The following ST6GALNAC3 variants were observed in gnomAD, a reference collection of about 807,000 sequenced individuals.
ST6GALNAC3 encodes the protein alpha-N-acetylgalactosaminide alpha-2,6-sialyltransferase 3.
Under a neutral mutation model 32.7 loss-of-function variants are expected in ST6GALNAC3, and 25 were observed. The ratio of observed to expected loss-of-function variants is 0.76; its 90% CI spans 0.56 to 1.07. The LOEUF is 1.07. Ranked by LOEUF, ST6GALNAC3 falls within the 50% of genes least tolerant of loss-of-function variation. ST6GALNAC3 has a pLI of 0.00. For missense variants in ST6GALNAC3, 355 were observed against 382.4 expected (o/e 0.93, Z 0.60); for synonymous variants, 129 against 133.1 (o/e 0.97, Z 0.21).
intron 1 of ST6GALNAC3, among the ~76,000 whole-genome samples, chr1:76,154,683 G>A (rs141058592): frequency 1.7e-4 from 26 of 152,300 alleles, no homozygotes; most frequent in African/African-American, 5.1e-4. Context: ...GACAGGAGAT[G>A]AGGACTTGAC....
At chr1:76,139,192 T>G (rs1650148683) in intron 1 of ST6GALNAC3, among the ~76,000 whole-genome samples, 1 of 148,028 alleles carries the variant, frequency 6.8e-6, no homozygotes, top group Admixed American at 6.7e-5. Flanking sequence ...AGACTCCGTC[T>G]CAATGGAAAA....
intron 3 of ST6GALNAC3, among the ~76,000 whole-genome samples, chr1:76,497,602 TCTC>T (rs1390789478): frequency 1.3e-5 from 2 of 152,292 alleles, no homozygotes; most frequent in African/African-American, 4.8e-5. Flanking sequence ...GAGTTCGTGT[TCTC>T]CTCCCGTTAC....
chr1:76,388,797 A>G (rs187078871), intron 2 of ST6GALNAC3, among the ~76,000 whole-genome samples: 1 of 152,118 alleles, frequency 6.6e-6, no homozygotes, highest in Non-Finnish European at 1.5e-5. Context: ...CCTCTGTATA[A>G]TTCTGCAGGT....
intron 3 of ST6GALNAC3, among the ~76,000 whole-genome samples, chr1:76,576,238 G>A (rs1051174595): frequency 3.3e-5 from 5 of 152,004 alleles, no homozygotes; most frequent in Non-Finnish European, 5.9e-5. Flanking sequence ...GGCAATGGGT[G>A]TTTGCCTCCA....
chr1:76,493,182 C>T (rs1660607810), intron 3 of ST6GALNAC3, among the ~76,000 whole-genome samples: 1 of 152,114 alleles, frequency 6.6e-6, no homozygotes, highest in Admixed American at 6.6e-5. Context: ...AAATAAAGAA[C>T]ATCTGCTCTA....
chr1:76,422,854 G>T (rs749643226), intron 3 of ST6GALNAC3, among the ~76,000 whole-genome samples: 1 of 151,768 alleles, frequency 6.6e-6, no homozygotes, highest in African/African-American at 2.4e-5. Flanking sequence ...TATTTTTCAC[G>T]GCGAGGAGTT....
At chr1:76,479,887 A>G (rs1327116828) in intron 3 of ST6GALNAC3, among the ~76,000 whole-genome samples, 1 of 152,212 alleles carries the variant, frequency 6.6e-6, no homozygotes, top group Non-Finnish European at 1.5e-5. Flanking sequence ...TAAAAGATTT[A>G]TAAGCTGTAA....
At chr1:76,457,784 G>A (rs1433247366) in intron 3 of ST6GALNAC3, among the ~76,000 whole-genome samples, 1 of 151,752 alleles carries the variant, frequency 6.6e-6, no homozygotes, top group African/African-American at 2.4e-5. Flanking sequence ...AAAAACCCTA[G>A]AAGAAAACCT....
chr1:76,396,783 C>G (rs1030955654), intron 2 of ST6GALNAC3, among the ~76,000 whole-genome samples: 3 of 152,180 alleles, frequency 2.0e-5, no homozygotes, highest in African/African-American at 7.2e-5. Flanking sequence ...TTCCGTAAGT[C>G]TGAAATCTGG....
At chr1:76,360,683 T>G (rs952230054) in intron 2 of ST6GALNAC3, among the ~76,000 whole-genome samples, 10 of 152,226 alleles carry the variant, frequency 6.6e-5, no homozygotes, top group African/African-American at 2.4e-4. Context: ...TTAATTTGAT[T>G]GCATGCTCTG....
intron 1 of ST6GALNAC3, among the ~76,000 whole-genome samples, chr1:76,115,888 T>C (rs112574584): frequency 2.0e-5 from 3 of 152,380 alleles, no homozygotes; most frequent in African/African-American, 7.2e-5. Context: ...CACTTGTTTA[T>C]ATTTTTACTC....
chr1:76,274,360 A>T (rs969591099), intron 1 of ST6GALNAC3, among the ~76,000 whole-genome samples: 2 of 152,216 alleles, frequency 1.3e-5, no homozygotes, highest in Non-Finnish European at 2.9e-5. Context: ...CCAACTCTGT[A>T]TCTATTTTAA....
intron 1 of ST6GALNAC3, among the ~76,000 whole-genome samples, chr1:76,155,622 T>C (rs922744465): frequency 8.0e-5 from 12 of 150,228 alleles, no homozygotes; most frequent in Middle Eastern, 3.4e-3. Context: ...CGCCCGCCAC[T>C]ACGCCTGGCT....
At chr1:76,556,219 A>G (rs1158855801) in intron 3 of ST6GALNAC3, among the ~76,000 whole-genome samples, 3 of 152,098 alleles carry the variant, frequency 2.0e-5, no homozygotes, top group African/African-American at 4.8e-5. Context: ...CATGATTTTT[A>G]TGGCTGAATA....
At chr1:76,408,852 G>C (rs1654017426) in intron 2 of ST6GALNAC3, among the ~76,000 whole-genome samples, 2 of 152,028 alleles carry the variant, frequency 1.3e-5, no homozygotes, top group Admixed American at 6.6e-5. Context: ...ATAGCAAATG[G>C]AATGTAACCC....
chr1:76,548,526 A>G (rs1664431080), intron 3 of ST6GALNAC3, among the ~76,000 whole-genome samples: 2 of 152,282 alleles, frequency 1.3e-5, no homozygotes, highest in African/African-American at 2.4e-5. Flanking sequence ...GCAGGATGAC[A>G]TAGCAGGAGT....
chr1:76,125,946 G>T (rs894407970), intron 1 of ST6GALNAC3, among the ~76,000 whole-genome samples: 6 of 152,150 alleles, frequency 3.9e-5, no homozygotes, highest in African/African-American at 1.4e-4. Context: ...CAATTGAGCG[G>T]GCCCTGCAGA....
chr1:76,540,812 A>G (rs1663943053), intron 3 of ST6GALNAC3, among the ~76,000 whole-genome samples: 2 of 152,182 alleles, frequency 1.3e-5, no homozygotes, highest in Admixed American at 1.3e-4. Flanking sequence ...AAAAGTGCCT[A>G]TTGTGTACCA....
chr1:76,281,009 T>C (rs1414486), intron 1 of ST6GALNAC3, among the ~76,000 whole-genome samples: 33,884 of 152,124 alleles, frequency 0.22, 4,044 homozygotes, highest in East Asian at 0.51. Context: ...TAAATTTAAC[T>C]CTTCAATATC....
Sources: gnomAD v4.1 joint callset for allele counts (sites outside exome capture counted in the v4.1 genomes callset) on GRCh38, gnomAD v4.1.1 for gene constraint, MANE v1.5 for transcripts, NCBI Gene and HGNC (gene_info 2026-07-23, HGNC 2026-07-21) for gene names.